CSMD3: variants seen among roughly 807,000 people sequenced by gnomAD.
CSMD3 encodes the protein CUB and Sushi multiple domains 3, also known as CUB and sushi domain-containing protein 3.
Under a neutral mutation model 435.2 loss-of-function variants are expected in CSMD3, and 177 were observed. That is an observed-to-expected ratio of 0.41 (90% CI 0.36 to 0.46). The LOEUF (loss-of-function observed/expected upper bound fraction) is 0.46, where lower values mean the gene tolerates loss of function less well. Among genes scored for constraint, CSMD3 ranks in the 20% least tolerant of loss-of-function variants. The probability of loss-of-function intolerance (pLI) is 0.34; values close to 1 mark genes in which losing one functional copy is unlikely to be tolerated. For synonymous variants in CSMD3, 1,656 were observed against 1,520.5 expected (o/e 1.09, Z -2.07); for missense variants, 4,265 against 4,504.6 (o/e 0.95, Z 1.52).
chr8:113,364,244 A>T lies in CSMD3; in HGVS notation c.179-49451T>A, dbSNP rs540865149. 9.6e-5 allele frequency among the ~76,000 whole-genome samples: 14 copies of T among 145,494 alleles called. No individual in the cohort carries two copies. The South Asian group carries it at 2.4e-3, about 25-fold the overall frequency. On this transcript the variant is annotated intron_variant, in intron 1 of 70. Coordinates refer to ENST00000297405, the MANE Select transcript of CSMD3 (RefSeq NM_198123.2). ...CAATCTCCTAAAGGAATTAGACTAAATTTTTTTTTTTTTTAAAAAGGATCT... is the reference window on the plus strand; with the variant it reads ...CAATCTCCTAAAGGAATTAGACTAATTTTTTTTTTTTTTTAAAAAGGATCT...
At chr8:113,016,056 A>T (rs1053068889) in intron 6 of CSMD3, among the ~76,000 whole-genome samples, 2 of 151,910 alleles carry the variant, frequency 1.3e-5, no homozygotes, top group South Asian at 2.1e-4. Context: ...TTGTGGGGGC[A>T]GAGTTAAAAA....
chr8:113,244,560 T>C (rs2093255828), intron 3 of CSMD3, among the ~76,000 whole-genome samples: 1 of 152,072 alleles, frequency 6.6e-6, no homozygotes, highest in Non-Finnish European at 1.5e-5. Context: ...ATGATCCGCC[T>C]GCCTCAGACT....
intron 59 of CSMD3, among the ~76,000 whole-genome samples, chr8:112,280,441 T>C (rs1276388355): frequency 3.3e-5 from 5 of 151,962 alleles, no homozygotes; most frequent in Non-Finnish European, 5.9e-5. Context: ...TGACTAAGTT[T>C]TGTATTTTTT....
At chr8:113,159,002 A>G (rs998475394) in intron 4 of CSMD3, among the ~76,000 whole-genome samples, 16 of 151,972 alleles carry the variant, frequency 1.1e-4, no homozygotes, top group South Asian at 4.1e-4. Context: ...CTCTTAGTGT[A>G]CTAGTCAATA....
At chr8:113,332,690 A>C (rs1479873868) in intron 1 of CSMD3, among the ~76,000 whole-genome samples, 1 of 151,668 alleles carries the variant, frequency 6.6e-6, no homozygotes, top group Non-Finnish European at 1.5e-5. Flanking sequence ...TCAAGAGGCA[A>C]ATACACTCCA....
chr8:112,598,747 T>G (rs13248071), intron 22 of CSMD3, among the ~76,000 whole-genome samples: 3 of 148,764 alleles, frequency 2.0e-5, no homozygotes, highest in African/African-American at 7.4e-5. Flanking sequence ...TTGACAAACC[T>G]GAGAAAAACA....
At chr8:113,312,166 C>G (rs1312783126) in intron 2 of CSMD3, 4 of 152,018 alleles carry the variant, frequency 2.6e-5, no homozygotes, top group African/African-American at 9.7e-5. Flanking sequence ...CTAAACAAAT[C>G]TGAATTGTAA....
chr8:113,413,562 C>A (rs2094568833), intron 1 of CSMD3, among the ~76,000 whole-genome samples: 1 of 152,054 alleles, frequency 6.6e-6, no homozygotes, highest in South Asian at 2.1e-4. Context: ...CAGTCCCCAC[C>A]CTCACAGAAC....
chr8:112,244,333 G>A (rs948214509), intron 65 of CSMD3, 61 bp downstream of exon 65: 5 of 1,410,932 alleles, frequency 3.5e-6, no homozygotes, highest in Non-Finnish European at 4.0e-6. Context: ...TTTTTGTCTG[G>A]AGCAAAGGAA....
At chr8:112,841,954 A>C (rs762885848) in intron 11 of CSMD3, among the ~76,000 whole-genome samples, 2 of 151,932 alleles carry the variant, frequency 1.3e-5, no homozygotes, top group Non-Finnish European at 2.9e-5. Flanking sequence ...TGATATGTAC[A>C]TTATGTGATT....
At chr8:112,248,647 G>A (rs200624323) in intron 63 of CSMD3, among the ~76,000 whole-genome samples, 4 of 152,018 alleles carry the variant, frequency 2.6e-5, no homozygotes, top group South Asian at 2.1e-4. Context: ...CCTCTTGAGC[G>A]GACAATAAGA....
chr8:113,287,690 G>C (rs902321781), intron 2 of CSMD3, among the ~76,000 whole-genome samples: 2 of 152,100 alleles, frequency 1.3e-5, no homozygotes, highest in South Asian at 2.1e-4. Context: ...GTGAATAAAA[G>C]TTGATGTCAT....
intron 1 of CSMD3, among the ~76,000 whole-genome samples, chr8:113,332,306 TAAA>T (rs201831037): frequency 3.0e-5 from 4 of 133,428 alleles, no homozygotes; most frequent in Non-Finnish European, 3.3e-5. Context: ...TTCAATTGGT[TAAA>T]AAAAAAAAAA....
chr8:112,298,968 A>G (rs1820631883), intron 53 of CSMD3, among the ~76,000 whole-genome samples: 1 of 152,146 alleles, frequency 6.6e-6, no homozygotes, highest in African/African-American at 2.4e-5. Flanking sequence ...TAGCCCATGT[A>G]TCCATCAAAA....
chr8:112,658,667 G>T (rs935858844), intron 17 of CSMD3, among the ~76,000 whole-genome samples: 1 of 152,050 alleles, frequency 6.6e-6, no homozygotes, highest in African/African-American at 2.4e-5. Context: ...CTTAGAAATT[G>T]TCAATCTAGG....
chr8:113,279,226 T>C (rs2093594693), intron 2 of CSMD3, among the ~76,000 whole-genome samples: 1 of 149,436 alleles, frequency 6.7e-6, no homozygotes, highest in African/African-American at 2.5e-5. Flanking sequence ...AATTACATCC[T>C]TACATTAGAA....
intron 59 of CSMD3, among the ~76,000 whole-genome samples, chr8:112,268,212 G>A (rs1394104877): frequency 2.0e-5 from 3 of 152,002 alleles, no homozygotes; most frequent in Non-Finnish European, 4.4e-5. Flanking sequence ...TTTGTTTGAA[G>A]GATAAATAAA....
intron 49 of CSMD3, among the ~76,000 whole-genome samples, chr8:112,311,693 C>A (rs137968215): frequency 6.6e-6 from 1 of 152,130 alleles, no homozygotes; most frequent in African/African-American, 2.4e-5. Flanking sequence ...CTGTCAAGAG[C>A]GTTTACATAT....
rs2091663641 is a variant in CSMD3, at chr8:113,145,941, T to C, written c.709+27781A>G. ...ATTGTATTTCCACTGAAATAATTTA[T>C]CTATTAACTCTTTCAATAAGCATTT... On this transcript the variant is annotated intron_variant, in intron 4 of 70. Transcript: ENST00000297405. 2.6e-5 allele frequency among the ~76,000 whole-genome samples: 4 copies of C among 151,586 alleles called. 1 individual carries two copies. In the South Asian group the frequency reaches 6.2e-4, roughly 24 times the overall value.
Sources: allele counts gnomAD v4.1 joint callset (sites outside exome capture counted in the v4.1 genomes callset), GRCh38; gene constraint gnomAD v4.1.1; transcripts MANE v1.5; gene names NCBI Gene and HGNC (gene_info 2026-07-23, HGNC 2026-07-21).